The following AGBL1 variants were observed in gnomAD, a reference collection of about 807,000 sequenced individuals.
The protein encoded by AGBL1 is AGBL carboxypeptidase 1.
A neutral mutation model predicts 118.9 loss-of-function variants in AGBL1; 130 were observed. That is an observed-to-expected ratio of 1.09 (90% confidence interval 0.95 to 1.26). The LOEUF (loss-of-function observed/expected upper bound fraction) is 1.26, where lower values mean the gene tolerates loss of function less well. Among genes scored for constraint, AGBL1 ranks in the 50% most tolerant of loss-of-function variants. The probability of loss-of-function intolerance (pLI) is 0.00; values close to 1 mark genes in which losing one functional copy is unlikely to be tolerated. For missense variants in AGBL1, 1,584 were observed against 1,298.1 expected (o/e 1.22, Z -3.38); for synonymous variants, 555 against 478.9 (o/e 1.16, Z -2.08).
At chr15:87,015,829 G>T (rs1438071970) in intron 24 of AGBL1, among the ~76,000 whole-genome samples, 1 of 152,048 alleles carries the variant, frequency 6.6e-6, no homozygotes, top group African/African-American at 2.4e-5. Context: ...ACACTTATGG[G>T]AAAAATGCCC....
At chr15:86,550,861 G>T (rs1355862253) in intron 20 of AGBL1, among the ~76,000 whole-genome samples, 1 of 151,534 alleles carries the variant, frequency 6.6e-6, no homozygotes. Context: ...ATATCTTAAG[G>T]GACTGAAACC....
At chr15:86,949,287 AAGACATCAGAAACAGTCAGGAGTTTTCCT>A (rs1297874572) in intron 23 of AGBL1, among the ~76,000 whole-genome samples, 5 of 152,188 alleles carry the variant, frequency 3.3e-5, no homozygotes, top group Admixed American at 1.3e-4. Flanking sequence ...AATCTGTTTG[AAGACATCAGAAACAGTCAGGAGTTTTCCT>A]AGAATCAAGT....
intron 22 of AGBL1, among the ~76,000 whole-genome samples, chr15:86,893,620 TAG>T (rs1475462715): frequency 2.0e-5 from 3 of 152,198 alleles, no homozygotes. Flanking sequence ...TGGCAAGGGA[TAG>T]AGTCTTCTTA....
chr15:86,361,557 A>C (rs2080805568), intron 17 of AGBL1, among the ~76,000 whole-genome samples: 1 of 152,080 alleles, frequency 6.6e-6, no homozygotes, highest in African/African-American at 2.4e-5. Flanking sequence ...GAAGTCTCCT[A>C]CTATTATTGT....
intron 19 of AGBL1, among the ~76,000 whole-genome samples, chr15:86,539,806 A>G (rs151172309): frequency 2.1e-4 from 32 of 152,258 alleles, no homozygotes; most frequent in African/African-American, 6.5e-4. Context: ...TTGGAGTGCA[A>G]TGTGAATGCT....
intron 20 of AGBL1, among the ~76,000 whole-genome samples, chr15:86,548,181 A>G (rs949245572): frequency 6.6e-6 from 1 of 152,206 alleles, no homozygotes; most frequent in Admixed American, 6.5e-5. Flanking sequence ...ATCTACCAGC[A>G]GTCAAGAGTC....
intron 18 of AGBL1, among the ~76,000 whole-genome samples, chr15:86,433,610 A>G (rs1026354668): frequency 6.6e-6 from 1 of 152,134 alleles, no homozygotes; most frequent in East Asian, 1.9e-4. Context: ...AAAGCCCAGT[A>G]GGGATGTTCC....
intron 22 of AGBL1, among the ~76,000 whole-genome samples, chr15:86,727,754 A>G (rs2086842343): frequency 6.6e-6 from 1 of 152,196 alleles, no homozygotes; most frequent in Non-Finnish European, 1.5e-5. Flanking sequence ...CAATTTATAG[A>G]CTCAGAGAAT....
At chr15:86,945,941 C>A (rs536528648) in intron 23 of AGBL1, among the ~76,000 whole-genome samples, 1 of 152,252 alleles carries the variant, frequency 6.6e-6, no homozygotes, top group South Asian at 2.1e-4. Context: ...CATTAAAGTG[C>A]CTTCATGTGC....
At chr15:86,730,652 A>T (rs2077514488) in intron 22 of AGBL1, among the ~76,000 whole-genome samples, 1 of 152,112 alleles carries the variant, frequency 6.6e-6, no homozygotes, top group Non-Finnish European at 1.5e-5. Flanking sequence ...CTGGACATGA[A>T]ATTCTTCATT....
chr15:86,720,992 T>C (rs1346026387), intron 22 of AGBL1, among the ~76,000 whole-genome samples: 1 of 152,104 alleles, frequency 6.6e-6, no homozygotes, highest in Non-Finnish European at 1.5e-5. Context: ...GGCTCTGAAA[T>C]TGAGGCAATA....
intron 1 of AGBL1, among the ~76,000 whole-genome samples, chr15:86,084,380 C>T (rs1337594990): frequency 6.6e-6 from 1 of 152,164 alleles, no homozygotes; most frequent in Admixed American, 6.5e-5. Context: ...GCTTTTACCT[C>T]CACTACTTAA....
intron 23 of AGBL1, among the ~76,000 whole-genome samples, chr15:86,950,105 C>T (rs541757250): frequency 2.6e-5 from 4 of 151,752 alleles, no homozygotes; most frequent in Non-Finnish European, 5.9e-5. Context: ...CCAAAAAATG[C>T]CCTATCAAAA....
intron 21 of AGBL1, among the ~76,000 whole-genome samples, chr15:86,634,399 T>G (rs530352485): frequency 6.6e-6 from 1 of 152,276 alleles, no homozygotes; most frequent in East Asian, 1.9e-4. Context: ...TACTGGTACA[T>G]GCCACGACAT....
intron 17 of AGBL1, among the ~76,000 whole-genome samples, chr15:86,330,725 C>T (rs1184876421): frequency 6.6e-6 from 1 of 152,002 alleles, no homozygotes; most frequent in East Asian, 1.9e-4. Flanking sequence ...ATCAAAGAAA[C>T]TTCTAAAGCA....
chr15:87,019,684 T>A lies in AGBL1; in HGVS notation c.3324-9141T>A, dbSNP rs1030691059. Among the ~76,000 whole-genome samples the A allele has an allele frequency of 7.2e-5, 11 of 151,914 alleles. No individual in the cohort carries two copies. In the South Asian group the frequency reaches 2.3e-3, roughly 32 times the overall value. ...ATTAAAAAACTAGAAAAGTCTCAAG[T>A]TAACAACCTAACATCACAACTAAAA... is the stretch of plus-strand genomic sequence containing the variant. On this transcript the variant is annotated intron_variant, in intron 24 of 24. Transcript: ENST00000441037.
At chr15:86,480,195 T>C (rs1436785662) in intron 18 of AGBL1, among the ~76,000 whole-genome samples, 1 of 152,178 alleles carries the variant, frequency 6.6e-6, no homozygotes, top group African/African-American at 2.4e-5. Flanking sequence ...CTGCACGTTG[T>C]GCACATGCAC....
At chr15:86,371,320 T>A (rs1404940017) in intron 17 of AGBL1, among the ~76,000 whole-genome samples, 3 of 152,094 alleles carry the variant, frequency 2.0e-5, no homozygotes, top group Non-Finnish European at 4.4e-5. Context: ...CAAAGTCAGT[T>A]TGAAGGAAAT....
chr15:86,085,052 C>T (rs1292130217), intron 1 of AGBL1, among the ~76,000 whole-genome samples: 1 of 152,132 alleles, frequency 6.6e-6, no homozygotes, highest in Non-Finnish European at 1.5e-5. Context: ...TAATGAAATA[C>T]AGTCACTGCC....
Sources: gnomAD v4.1 joint callset for allele counts (sites outside exome capture counted in the v4.1 genomes callset) on GRCh38, gnomAD v4.1.1 for gene constraint, MANE v1.5 for transcripts, NCBI Gene and HGNC (gene_info 2026-07-23, HGNC 2026-07-21) for gene names.